ADAM12: variants seen among roughly 807,000 people sequenced by gnomAD.
The protein encoded by ADAM12 is ADAM metallopeptidase domain 12.
A neutral mutation model predicts 106.4 loss-of-function variants in ADAM12; 70 were observed. The observed-to-expected ratio is 0.66, with a 90% confidence interval of 0.54 to 0.80. ADAM12 has a LOEUF of 0.80. Ranked by LOEUF, ADAM12 falls within the 30% of genes least tolerant of loss-of-function variation. ADAM12 has a pLI of 0.00. For missense variants in ADAM12, 1,010 were observed against 1,171.9 expected (o/e 0.86, Z 2.02); for synonymous variants, 420 against 433.5 (o/e 0.97, Z 0.39).
intron 2 of ADAM12, among the ~76,000 whole-genome samples, chr10:126,314,453 C>T (rs1302744385): frequency 1.3e-5 from 2 of 152,128 alleles, no homozygotes; most frequent in Non-Finnish European, 2.9e-5. Flanking sequence ...TGGAACATCA[C>T]CTCAATGGGG....
intron 6 of ADAM12, among the ~76,000 whole-genome samples, chr10:126,113,816 A>C (rs1329708900): frequency 6.8e-6 from 1 of 147,376 alleles, no homozygotes; most frequent in Non-Finnish European, 1.5e-5. Context: ...TGCAGCAAGG[A>C]GGCCATGCAG....
At chr10:126,362,800 A>G (rs1362157239) in intron 1 of ADAM12, among the ~76,000 whole-genome samples, 3 of 152,170 alleles carry the variant, frequency 2.0e-5, no homozygotes, top group African/African-American at 7.2e-5. Context: ...AAATGAGGAG[A>G]TGATGGTTAA....
At chr10:126,108,362 G>A (rs948401201) in intron 8 of ADAM12, among the ~76,000 whole-genome samples, 1 of 152,150 alleles carries the variant, frequency 6.6e-6, no homozygotes, top group Non-Finnish European at 1.5e-5. Flanking sequence ...CCGGAAGAGA[G>A]CCTGGAGGAA....
intron 5 of ADAM12, among the ~76,000 whole-genome samples, chr10:126,134,018 G>A (rs117000634): frequency 2.1e-3 from 315 of 152,256 alleles, no homozygotes; most frequent in Admixed American, 2.4e-3. Context: ...AGTGCTCCAG[G>A]AAGAATGCAT....
chr10:126,279,159 A>C (rs563838954), intron 2 of ADAM12, among the ~76,000 whole-genome samples, 171 bp from the exon 3 acceptor site: 17 of 152,188 alleles, frequency 1.1e-4, no homozygotes, highest in Non-Finnish European at 2.1e-4. Flanking sequence ...TTAGCAGCTT[A>C]AAAAGAGCAG....
intron 5 of ADAM12, among the ~76,000 whole-genome samples, chr10:126,120,800 T>A (rs890755584): frequency 1.3e-5 from 2 of 149,674 alleles, no homozygotes; most frequent in African/African-American, 4.9e-5. Context: ...TTGCAGATTA[T>A]TTTAGCAAAT....
intron 3 of ADAM12, among the ~76,000 whole-genome samples, chr10:126,176,320 G>A (rs762762217): frequency 3.9e-5 from 6 of 152,218 alleles, no homozygotes; most frequent in Admixed American, 1.3e-4. Flanking sequence ...CACTGCTCTC[G>A]GCCAAGGCCA....
intron 4 of ADAM12, among the ~76,000 whole-genome samples, chr10:126,154,609 C>T (rs972542499): frequency 4.7e-4 from 71 of 152,168 alleles, no homozygotes; most frequent in Non-Finnish European, 8.4e-4. Context: ...GTGACTCTGT[C>T]CTATTCTCTC....
At chr10:126,065,627 A>G (rs1221144558) in intron 13 of ADAM12, among the ~76,000 whole-genome samples, 4 of 152,130 alleles carry the variant, frequency 2.6e-5, no homozygotes, top group Non-Finnish European at 4.4e-5. Context: ...AGCCCGTCTG[A>G]GGCTACACAG....
chr10:126,346,857 T>C (rs976600348), intron 1 of ADAM12, among the ~76,000 whole-genome samples: 1 of 152,214 alleles, frequency 6.6e-6, no homozygotes, highest in African/African-American at 2.4e-5. Flanking sequence ...CTGCCTTTCT[T>C]TGTTTTCCAT....
intron 2 of ADAM12, among the ~76,000 whole-genome samples, chr10:126,306,502 T>A (rs1415939609): frequency 2.6e-5 from 4 of 152,198 alleles, no homozygotes; most frequent in Non-Finnish European, 5.9e-5. Flanking sequence ...TGCTTCTATC[T>A]GGCATCGTTT....
At position 126,203,830 on chromosome 10, in the gene ADAM12, G is replaced by A. The variant is rs1957744896; in HGVS notation, c.261-48525C>T. Reference sequence around the variant, plus strand: ...CTGTGCTATGGCCCAGTTCTGTGTTGGGAGTGTGGCTGCCTGTGATGGACT... The same window carrying A: ...CTGTGCTATGGCCCAGTTCTGTGTTAGGAGTGTGGCTGCCTGTGATGGACT... On this transcript the variant is annotated intron_variant, in intron 3 of 22. Coordinates refer to ENST00000448723, the MANE Select transcript of ADAM12 (RefSeq NM_001288973.2). 2.6e-5 allele frequency among the ~76,000 whole-genome samples: 4 copies of A among 152,170 alleles called. 1 individual carries two copies. The South Asian group carries it at 8.3e-4, about 32-fold the overall frequency.
At chr10:126,175,469 GT>G (rs1249781038) in intron 3 of ADAM12, among the ~76,000 whole-genome samples, 2 of 126,780 alleles carry the variant, frequency 1.6e-5, no homozygotes, top group African/African-American at 5.6e-5. Flanking sequence ...TTAAACATAT[GT>G]TTCTAAAACA....
intron 21 of ADAM12, among the ~76,000 whole-genome samples, chr10:126,031,743 CAGATA>C (rs750832482): frequency 5.3e-5 from 8 of 152,168 alleles, no homozygotes; most frequent in Non-Finnish European, 1.2e-4. Flanking sequence ...ATAATACAGA[CAGATA>C]AAAGTTGTTG....
At chr10:126,291,207 C>A (rs1048982342) in intron 2 of ADAM12, among the ~76,000 whole-genome samples, 2 of 152,096 alleles carry the variant, frequency 1.3e-5, no homozygotes, top group African/African-American at 4.8e-5. Context: ...GGGAAGTTAG[C>A]TTAAGTTGCT....
Position 126,043,179 on chromosome 10 carries a change from T to TA in ADAM12, c.1996-32dup. On this transcript the variant is annotated intron_variant, in intron 17 of 22. Transcript: ENST00000448723. This position sits in a 1 kb window ranked among gnomAD's most constrained non-coding sequence, Gnocchi z 4.1. ...AGGGCAGAGGGGAGGGACGTGGGGT[T>TA]AGGGCATATGCTCTGTGCATCACCA... 1 of 1,601,102 alleles carries TA rather than the reference T, an allele frequency of 6.2e-7. No individual in the cohort carries two copies. Among genetic ancestry groups the TA allele is most frequent in the Non-Finnish European group, 8.5e-7 (1 of 1,170,008 alleles).
At chr10:126,062,550 C>G (rs1206951225) in intron 14 of ADAM12, among the ~76,000 whole-genome samples, 1 of 152,168 alleles carries the variant, frequency 6.6e-6, no homozygotes, top group East Asian at 1.9e-4. Context: ...GGTTCTCTCT[C>G]TGGTCAGGCA....
At chr10:126,022,247 C>T (rs7074785) in intron 21 of ADAM12, among the ~76,000 whole-genome samples, 3,173 of 152,264 alleles carry the variant, frequency 0.021, 95 homozygotes, top group African/African-American at 0.068. Flanking sequence ...GGCATGTCTC[C>T]TACTTTAGAA....
chr10:126,097,792 C>G (rs550730890), intron 10 of ADAM12, among the ~76,000 whole-genome samples: 7 of 152,298 alleles, frequency 4.6e-5, no homozygotes, highest in Admixed American at 4.6e-4. Context: ...CTCCCTCCTA[C>G]ATTCATAACG....
Sources: allele counts gnomAD v4.1 joint callset (sites outside exome capture counted in the v4.1 genomes callset), GRCh38; gene constraint gnomAD v4.1.1; non-coding constraint Gnocchi (gnomAD v3.1); transcripts MANE v1.5; gene names NCBI Gene and HGNC (gene_info 2026-07-23, HGNC 2026-07-21).